XPNPEP2: variants seen among roughly 807,000 people sequenced by gnomAD.
XPNPEP2 encodes X-prolyl aminopeptidase 2, also known as xaa-Pro aminopeptidase 2.
XPNPEP2 carries 64 observed loss-of-function variants against 59.8 expected under a neutral mutation model. That is an observed-to-expected ratio of 1.07 (90% CI 0.87 to 1.32). XPNPEP2 has a LOEUF of 1.32. Ranked by LOEUF, XPNPEP2 falls within the 40% of genes most tolerant of loss-of-function variation. XPNPEP2 has a pLI of 0.00. For missense variants in XPNPEP2, 575 were observed against 546.8 expected, an observed-to-expected ratio of 1.05 and a Z score of -0.51; for synonymous variants, 235 against 210.0, an observed-to-expected ratio of 1.12 and a Z score of -1.03.
At chrX:129,749,612 T>C (rs910030327) in intron 7 of XPNPEP2, among the ~76,000 whole-genome samples, 1 of 113,202 alleles carries the variant, frequency 8.8e-6, no homozygotes, top group African/African-American at 3.2e-5. Context: ...AAACTCCTAG[T>C]CCTGCCTAGG....
intron 19 of XPNPEP2, among the ~76,000 whole-genome samples, chrX:129,765,637 T>TTC (rs1926736805): frequency 1.8e-5 from 1 of 54,465 alleles, no homozygotes; most frequent in African/African-American, 6.4e-5. Flanking sequence ...CTTTCTTTCT[T>TTC]TTTTTTTTTT....
intron 14 of XPNPEP2, among the ~76,000 whole-genome samples, chrX:129,757,889 G>GAA (rs1227332529): frequency 5.3e-4 from 39 of 73,931 alleles, no homozygotes; most frequent in Admixed American, 2.6e-3. Context: ...GAGAGAGAGA[G>GAA]AGAGAGAAAG....
rs775663910 is a variant in XPNPEP2, at chrX:129,754,482, C to T, written c.1118C>T (p.Ala373Val). 8.4e-6 allele frequency: 10 copies of T among 1,185,167 alleles called. No individual in the cohort carries two copies. The East Asian group carries it at 3.1e-4, about 36-fold the overall frequency. ...CTTCCCCAACTCCAGGTGCGGGACG[C>T]TGTGGCTGTGATCCGGTACTTGGTC... ...ALLKASHVRD[A>V]VAVIRYLVWL... The change falls in exon 12 of 21, where the codon GCT (alanine) becomes GTT (valine). Residue 373 changes from alanine (A) to valine (V), a missense_variant. By Grantham distance (64) the Ala-to-Val change is moderately conservative. Coordinates refer to ENST00000371106, the MANE Select transcript of XPNPEP2 (RefSeq NM_003399.6).
At chrX:129,767,763 CCT>C (rs1412263054) in intron 20 of XPNPEP2, 71 bp downstream of exon 20, 4 of 1,074,597 alleles carry the variant, frequency 3.7e-6, no homozygotes, top group African/African-American at 1.8e-5. Context: ...GCCACCACAT[CCT>C]CTGTCCCTGC....
chrX:129,752,969 C>T (rs749227089), intron 10 of XPNPEP2, among the ~76,000 whole-genome samples, 190 bp from the exon 11 acceptor site: 2 of 112,094 alleles, frequency 1.8e-5, no homozygotes, highest in African/African-American at 6.5e-5. Flanking sequence ...TTCAGCTGGA[C>T]GTGGAAAACT....
At chrX:129,764,738 C>A (rs1013573600) in intron 19 of XPNPEP2, among the ~76,000 whole-genome samples, 2 of 108,812 alleles carry the variant, frequency 1.8e-5, no homozygotes, top group African/African-American at 6.7e-5. Context: ...CAGAAGTCAG[C>A]GGATCACTTG....
In XPNPEP2 at chrX:129,754,570, C is replaced by T. The variant is rs1456445990; in HGVS notation, c.1206C>T (p.Asp402=). ...VDEFSGAEIV[D]KFRGEEQFSS... is the part of the protein sequence containing the mutation. ...AGTTCTCGGGGGCAGAGATCGTGGA[C>T]AAGTTCCGAGGGTGAAGAGCCACGG... The change falls in exon 12 of 21, where the codon GAC becomes GAT. Residue 402 remains aspartate, a synonymous_variant. Transcript: ENST00000371106. The T allele has an allele frequency of 1.7e-6, 2 of 1,182,716 alleles. No individual in the cohort carries two copies. The highest frequency in any genetic ancestry group is 2.4e-5 in the Admixed American group (1 of 41,260).
rs1261176325 is a variant in XPNPEP2 at position 129,756,547 on chromosome X, G to A, written c.1359G>A (p.Gly453=). Residue 453 remains glycine (G), a synonymous_variant, in exon 14 of 21, where the codon GGG becomes GGA. Transcript: ENST00000371106. ...AGATGTACCTGCTGGACTCTGGGGG[G>A]CAGTACTGGTATGTACCCCGACCTC... ...SDEMYLLDSG[G]QYWDGTTDIT... 7.4e-6 allele frequency: 9 copies of A among 1,208,765 alleles called. No individual in the cohort carries two copies. The highest frequency in any genetic ancestry group is 3.5e-5 in the African/African-American group (2 of 56,938).
intron 11 of XPNPEP2, 120 bp downstream of exon 11, chrX:129,753,368 C>G: frequency 4.4e-6 from 3 of 683,192 alleles, no homozygotes. Context: ...GCAAGCTGGG[C>G]GCGGTGGCTC....
intron 19 of XPNPEP2, among the ~76,000 whole-genome samples, chrX:129,765,635 C>CTTTTTTTTTTTTTT (rs56014067): frequency 2.5e-4 from 17 of 67,340 alleles, no homozygotes; most frequent in African/African-American, 7.2e-4. Flanking sequence ...TTCTTTCTTT[C>CTTTTTTTTTTTTTT]TTTTTTTTTT....
chrX:129,750,345 G>T (rs1442463794), intron 7 of XPNPEP2, 123 bp from the exon 8 acceptor site: 1 of 502,037 alleles, frequency 2.0e-6, no homozygotes, highest in Non-Finnish European at 3.3e-6. Context: ...GTTTGTTTGA[G>T]GAAAGGGTTT....
chrX:129,757,876 A>AAGGAGG (rs1926569691), intron 14 of XPNPEP2, among the ~76,000 whole-genome samples: 1 of 42,888 alleles, frequency 2.3e-5, no homozygotes, highest in African/African-American at 1.4e-4. Context: ...AGAGAGAAAG[A>AAGGAGG]GAGAGAGAGA....
chrX:129,739,158 G>A lies in XPNPEP2; in HGVS notation c.-56G>A. 1 of 1,156,149 alleles carries A rather than the reference G, an allele frequency of 8.6e-7. No homozygotes were observed. Among genetic ancestry groups the A allele is most frequent in the Non-Finnish European group, 1.2e-6 (1 of 854,508 alleles). On this transcript the variant is annotated 5_prime_UTR_variant, in exon 1 of 21. Coordinates refer to ENST00000371106, the MANE Select transcript of XPNPEP2 (RefSeq NM_003399.6). Reference sequence around the variant, plus strand: ...CCTGAAGGAAGAGGCCGGGGAAAGAGCCCTCCCTCTCTCCCTTGTCCCTCC... The same window carrying A: ...CCTGAAGGAAGAGGCCGGGGAAAGAACCCTCCCTCTCTCCCTTGTCCCTCC...
At chrX:129,759,368 C>T (rs1418797127) in intron 15 of XPNPEP2, 128 bp downstream of exon 15, 5 of 822,556 alleles carry the variant, frequency 6.1e-6, no homozygotes, top group African/African-American at 2.0e-5. Context: ...CAAGGTGACA[C>T]CACTGGTGCC....
At chrX:129,754,749 G>A (rs140373889) in intron 12 of XPNPEP2, among the ~76,000 whole-genome samples, 168 bp downstream of exon 12, 198 of 110,983 alleles carry the variant, frequency 1.8e-3, no homozygotes, top group African/African-American at 6.4e-3. Flanking sequence ...TTGGGTGGTC[G>A]GGGAGTTGAG....
chrX:129,765,651 T>TTTTTTTTTTTA (rs1569477894), intron 19 of XPNPEP2, among the ~76,000 whole-genome samples: 1 of 98,426 alleles, frequency 1.0e-5, no homozygotes, highest in Admixed American at 1.1e-4. Context: ...TTTTTTTTTT[T>TTTTTTTTTTTA]TTTTTTGATG....
At chrX:129,759,575 A>C (rs903447414) in intron 15 of XPNPEP2, among the ~76,000 whole-genome samples, 3 of 112,724 alleles carry the variant, frequency 2.7e-5, no homozygotes, top group African/African-American at 9.7e-5. Flanking sequence ...GCACAAGTGA[A>C]GCCTCCGCGG....
At chrX:129,765,912 C>T (rs1926744287) in intron 19 of XPNPEP2, among the ~76,000 whole-genome samples, 1 of 112,044 alleles carries the variant, frequency 8.9e-6, no homozygotes, top group East Asian at 2.8e-4. Context: ...TTCTGGATTA[C>T]AGGCGTGAGC....
chrX:129,766,396 G>A (rs922685211), intron 19 of XPNPEP2, among the ~76,000 whole-genome samples: 10 of 111,691 alleles, frequency 9.0e-5, no homozygotes, highest in Admixed American at 7.6e-4. Context: ...GAGTAGAGAC[G>A]GGGTTTCACC....
Sources: gnomAD v4.1 joint callset for allele counts (sites outside exome capture counted in the v4.1 genomes callset) on GRCh38, gnomAD v4.1.1 for gene constraint, MANE v1.5 for transcripts, NCBI Gene and HGNC (gene_info 2026-07-23, HGNC 2026-07-21) for gene names.